The following PRH1 variants were observed in gnomAD, a reference collection of about 807,000 sequenced individuals.
PRH1 encodes the protein salivary acidic proline-rich phosphoprotein 1/2.
Under a neutral mutation model 7.9 loss-of-function variants are expected in PRH1, and 7 were observed. That is an observed-to-expected ratio of 0.89 (90% confidence interval 0.50 to 1.67). PRH1 has a LOEUF of 1.67. PRH1 is among the 40% of genes most tolerant of loss of function. The pLI, the probability that PRH1 is intolerant of heterozygous loss-of-function variation, is 0.00. For missense variants in PRH1, 109 were observed against 223.6 expected, an observed-to-expected ratio of 0.49 and a Z score of 3.27; for synonymous variants, 45 against 80.8, an observed-to-expected ratio of 0.56 and a Z score of 2.38.
chr12:11,168,206 AAAGAAAGAAGAAAGAAAGAAAGAAAG>A (rs1565724633), intron 1 of PRH1, among the ~76,000 whole-genome samples: 4 of 39,776 alleles, frequency 1.0e-4, no homozygotes, highest in Non-Finnish European at 2.3e-4. Flanking sequence ...AAAACGAAAG[AAAGAAAGAAGAAAGAAAGAAAGAAAG>A]AAAGAAAGAA....
At chr12:10,986,190 T>C in intron 1 of PRH1, 2 of 1,614,112 alleles carry the variant, frequency 1.2e-6, no homozygotes, top group Non-Finnish European at 1.7e-6. Context: ...AGCTTTTATG[T>C]GGACCTTGGT....
intron 1 of PRH1, chr12:10,973,729 A>G (rs1157418108): frequency 2.6e-6 from 2 of 779,404 alleles, no homozygotes; most frequent in Admixed American, 1.7e-5. Flanking sequence ...CAGCTAGGAT[A>G]AGATAAATAA....
chr12:10,885,389 C>T (rs1264557825), upstream of PRH1, among the ~76,000 whole-genome samples: 2 of 151,994 alleles, frequency 1.3e-5, no homozygotes, highest in Non-Finnish European at 2.9e-5. Context: ...ACTTTTCGTC[C>T]TATATCTTTT....
intron 1 of PRH1, among the ~76,000 whole-genome samples, chr12:11,158,074 T>C (rs572485261): frequency 1.3e-5 from 2 of 152,324 alleles, no homozygotes; most frequent in East Asian, 3.9e-4. Flanking sequence ...TTACCAGCTA[T>C]TTTTTCCCTT....
chr12:10,934,079 A>G (rs1445111953), intron 2 of PRH1, among the ~76,000 whole-genome samples: 1 of 152,232 alleles, frequency 6.6e-6, no homozygotes, highest in Non-Finnish European at 1.5e-5. Flanking sequence ...GCTAGTAAAT[A>G]TAATAAGAAA....
chr12:11,061,714 G>C (rs1194846171), intron 1 of PRH1: 2 of 1,614,044 alleles, frequency 1.2e-6, no homozygotes, highest in African/African-American at 1.3e-5. Context: ...CAGCAGAAAA[G>C]ATATCAGGGT....
At chr12:11,142,804 G>C (rs998066513) in intron 1 of PRH1, among the ~76,000 whole-genome samples, 1 of 152,182 alleles carries the variant, frequency 6.6e-6, no homozygotes. Flanking sequence ...TGACATATTA[G>C]AAGTGCTGAA....
At chr12:11,042,623 CTTTTTTTTTT>C (rs71051557) in intron 1 of PRH1, among the ~76,000 whole-genome samples, 99 of 79,310 alleles carry the variant, frequency 1.2e-3, no homozygotes, top group African/African-American at 5.2e-3. Context: ...CAGGCTCATT[CTTTTTTTTTT>C]TTTTTTTTTT....
At chr12:11,022,134 C>G in intron 1 of PRH1, 1 of 1,613,812 alleles carries the variant, frequency 6.2e-7, no homozygotes, top group Non-Finnish European at 8.5e-7. Flanking sequence ...CCATGGTTAT[C>G]ACAGCAAGAT....
intron 1 of PRH1, among the ~76,000 whole-genome samples, chr12:11,162,216 G>A (rs1386979164): frequency 6.6e-6 from 1 of 152,102 alleles, no homozygotes; most frequent in Non-Finnish European, 1.5e-5. Context: ...TCCAGACACA[G>A]GGACTAATCA....
chr12:11,154,589 A>G (rs562137129), intron 1 of PRH1, among the ~76,000 whole-genome samples: 1 of 152,294 alleles, frequency 6.6e-6, no homozygotes, highest in Admixed American at 6.5e-5. Flanking sequence ...TTCACTGTGA[A>G]CAAAGGTTGT....
At chr12:11,022,720 C>A (rs1941724337) in intron 1 of PRH1, 2 of 619,036 alleles carry the variant, frequency 3.2e-6, no homozygotes, top group Non-Finnish European at 5.6e-6. Flanking sequence ...CAGGCAAGCA[C>A]CAGCATATGC....
chr12:10,967,540 T>G (rs10845256), intron 2 of PRH1, among the ~76,000 whole-genome samples: 37,013 of 152,106 alleles, frequency 0.24, 4,555 homozygotes, highest in Non-Finnish European at 0.25. Flanking sequence ...TCCCAACACT[T>G]GGGTCACACA....
intron 1 of PRH1, among the ~76,000 whole-genome samples, chr12:11,011,840 T>C (rs74062420): frequency 0.036 from 5,410 of 152,224 alleles, 316 homozygotes; most frequent in African/African-American, 0.12. Flanking sequence ...CACAAACTTA[T>C]GTGCCCACAC....
At chr12:10,956,693 T>C (rs1937980541) in intron 2 of PRH1, among the ~76,000 whole-genome samples, 1 of 152,146 alleles carries the variant, frequency 6.6e-6, no homozygotes, top group South Asian at 2.1e-4. Context: ...CAAAATCTCC[T>C]TGGTCTGATA....
At chr12:11,089,676 G>T (rs530313386) in intron 1 of PRH1, among the ~76,000 whole-genome samples, 1 of 119,548 alleles carries the variant, frequency 8.4e-6, no homozygotes, top group Non-Finnish European at 2.0e-5. Flanking sequence ...TCAATTTTTT[G>T]AAATGAAATG....
chr12:11,031,432 A>G (rs1942211289), intron 1 of PRH1: 3 of 1,420,894 alleles, frequency 2.1e-6, no homozygotes, highest in Admixed American at 4.8e-5. Context: ...TCAAAAATGG[A>G]GCCACCGACC....
chr12:11,062,450 G>A (rs575687873), intron 1 of PRH1, among the ~76,000 whole-genome samples: 1 of 152,156 alleles, frequency 6.6e-6, no homozygotes, highest in South Asian at 2.1e-4. Context: ...TGTCAAGCCA[G>A]AAATCACCAT....
intron 1 of PRH1, among the ~76,000 whole-genome samples, chr12:11,044,822 T>C (rs1942847214): frequency 6.6e-6 from 1 of 152,154 alleles, no homozygotes; most frequent in Non-Finnish European, 1.5e-5. Context: ...CTGGTGAAGA[T>C]GTGGAGAAAC....
Sources: gnomAD v4.1 joint callset for allele counts (sites outside exome capture counted in the v4.1 genomes callset) on GRCh38, gnomAD v4.1.1 for gene constraint, MANE v1.5 for transcripts, NCBI Gene and HGNC (gene_info 2026-07-23, HGNC 2026-07-21) for gene names.